Variants in BSN observed in about 807,000 individuals in gnomAD.
The protein encoded by BSN is bassoon presynaptic cytomatrix protein.
A neutral mutation model predicts 264.8 loss-of-function variants in BSN; 57 were observed. The ratio of observed to expected loss-of-function variants is 0.22; its 90% CI spans 0.17 to 0.27. The LOEUF is 0.27. Ranked by LOEUF, BSN falls within the 10% of genes least tolerant of loss-of-function variation. The probability of loss-of-function intolerance (pLI) is 1.00; values close to 1 mark genes in which losing one functional copy is unlikely to be tolerated. For missense variants in BSN, 4,615 were observed against 5,232.5 expected (o/e 0.88, Z 3.64); for synonymous variants, 2,059 against 2,137.3 (o/e 0.96, Z 1.01).
intron 1 of BSN, among the ~76,000 whole-genome samples, chr3:49,606,280 A>AATATACATT (rs2052147744): frequency 1.2e-4 from 1 of 8,260 alleles, no homozygotes; most frequent in African/African-American, 3.2e-4. Flanking sequence ...ATATATTAAA[A>AATATACATT]ATATATATTA....
intron 1 of BSN, among the ~76,000 whole-genome samples, chr3:49,564,912 C>G (rs2051740802): frequency 6.6e-6 from 1 of 151,660 alleles, no homozygotes; most frequent in African/African-American, 2.4e-5. Context: ...GTGCATTGGC[C>G]TTTGGCTCTG....
chr3:49,578,438 C>A (rs576627703), intron 1 of BSN, among the ~76,000 whole-genome samples: 14 of 151,188 alleles, frequency 9.3e-5, no homozygotes, highest in African/African-American at 3.4e-4. Flanking sequence ...GACGGAGTCT[C>A]GCTCTGTCGC....
Position 49,656,025 on chromosome 3 carries a change from G to C in BSN, c.6469G>C (p.Gly2157Arg), listed in dbSNP as rs765694657. Residue 2157 changes from glycine (G) to arginine (R), a missense_variant, in exon 5 of 12, where the codon GGC becomes CGC. This residue lies in a region of BSN where 3,415 missense variants were observed against 3,866.4 expected (regional missense o/e 0.88). Coordinates refer to ENST00000296452, the MANE Select transcript of BSN (RefSeq NM_003458.4). ...GLLGNPTFPEGHPSPGNLAQY... is the reference protein window; with the variant it reads ...GLLGNPTFPERHPSPGNLAQY... The stretch of plus-strand genomic sequence containing the variant: ...CCTTGGTAACCCCACCTTTCCAGAG[G>C]GCCACCCAAGTCCTGGGAACTTGGC... 1 of 1,602,206 alleles carries C rather than the reference G, an allele frequency of 6.2e-7. No individual in the cohort carries two copies. The highest frequency in any genetic ancestry group is 1.1e-5 in the South Asian group (1 of 90,420).
intron 1 of BSN, among the ~76,000 whole-genome samples, chr3:49,624,486 A>G (rs1214447432): frequency 6.6e-6 from 1 of 151,396 alleles, no homozygotes; most frequent in Non-Finnish European, 1.5e-5. Flanking sequence ...TTTAGTAGAG[A>G]TGGGGTTTCA....
intron 3 of BSN, among the ~76,000 whole-genome samples, chr3:49,648,717 A>G (rs2052517787): frequency 6.6e-6 from 1 of 152,230 alleles, no homozygotes; most frequent in Non-Finnish European, 1.5e-5. Flanking sequence ...GCCAGTGGCC[A>G]GCACTTACTG....
intron 1 of BSN, among the ~76,000 whole-genome samples, chr3:49,596,066 C>T (rs985569418): frequency 4.6e-5 from 7 of 152,154 alleles, no homozygotes; most frequent in South Asian, 2.1e-4. Flanking sequence ...ATCTTTGCAT[C>T]GTACACAGTT....
chr3:49,589,098 T>C (rs12492750), intron 1 of BSN, among the ~76,000 whole-genome samples: 2 of 145,422 alleles, frequency 1.4e-5, no homozygotes, highest in African/African-American at 5.0e-5. Flanking sequence ...TTTTTTTTTG[T>C]ATTTTTTAGT....
At chr3:49,563,195 C>G (rs1203917188) in intron 1 of BSN, among the ~76,000 whole-genome samples, 1 of 152,160 alleles carries the variant, frequency 6.6e-6, no homozygotes, top group Non-Finnish European at 1.5e-5. Context: ...CACATTCAAG[C>G]CTGGAGCCAG....
chr3:49,573,482 GTCCCCTCTAACTCCTCCCCAGCTTTTTCC>G lies in BSN; in HGVS notation c.224+18659_224+18687del, dbSNP rs575714487. Among the ~76,000 whole-genome samples, 7 of 152,182 alleles carry G rather than the reference GTCCCCTCTAACTCCTCCCCAGCTTTTTCC, an allele frequency of 4.6e-5. No homozygotes were observed. In the East Asian group the frequency reaches 1.4e-3, roughly 29 times the overall value. On this transcript the variant is annotated intron_variant, in intron 1 of 11. Coordinates refer to ENST00000296452, the MANE Select transcript of BSN (RefSeq NM_003458.4). ...TGGGACTGGTTGTTCTGTCTTTCCTGTCCCCTCTAACTCCTCCCCAGCTTTTTCCTCTGGGCTCCAACAGGAGCTCACTG... is the reference window on the plus strand; with the variant it reads ...TGGGACTGGTTGTTCTGTCTTTCCTGTCTGGGCTCCAACAGGAGCTCACTG...
In BSN at chr3:49,625,455, T is replaced by A; in HGVS notation, c.633+72T>A. 7.5e-7 allele frequency: 1 copy of A among 1,336,072 alleles called. No individual in the cohort carries two copies. Among genetic ancestry groups the A allele is most frequent in the East Asian group, 2.8e-5 (1 of 35,712 alleles). The allele number at this position is 1,336,072 out of a possible 1,614,324, so 82.8% of individuals were successfully genotyped here. On this transcript the variant is annotated intron_variant, in intron 2 of 11. Transcript: ENST00000296452. This position sits in a 1 kb window ranked among gnomAD's most constrained non-coding sequence, Gnocchi z 4.4. Reference sequence around the variant, plus strand: ...CATACCTCCCCTGGTTCCCTTCCCCTCTTTCACCAACTCTCTTTTCCTGGT... The same window carrying A: ...CATACCTCCCCTGGTTCCCTTCCCCACTTTCACCAACTCTCTTTTCCTGGT...
intron 1 of BSN, 31 bp from the exon 2 acceptor site, chr3:49,624,944 T>A (rs1337821382): frequency 2.0e-6 from 3 of 1,485,444 alleles, no homozygotes; most frequent in Non-Finnish European, 1.8e-6. Flanking sequence ...CTAAGCTGTA[T>A]CTCTAACAGT....
chr3:49,623,145 C>G (rs923172048), intron 1 of BSN, among the ~76,000 whole-genome samples: 8 of 152,108 alleles, frequency 5.3e-5, no homozygotes, highest in Non-Finnish European at 1.0e-4. Flanking sequence ...CTAAGCTGCC[C>G]TATCAGTTGG....
intron 1 of BSN, among the ~76,000 whole-genome samples, chr3:49,596,466 A>G (rs1018580860): frequency 2.0e-5 from 3 of 152,228 alleles, no homozygotes; most frequent in South Asian, 2.1e-4. Flanking sequence ...TGAAGTTGCA[A>G]TAATTCCCTG....
At chr3:49,599,771 T>C (rs567752071) in intron 1 of BSN, among the ~76,000 whole-genome samples, 2 of 152,330 alleles carry the variant, frequency 1.3e-5, no homozygotes, top group South Asian at 4.1e-4. Flanking sequence ...TTTCCTAAGT[T>C]ATTTTAAAAT....
At chr3:49,614,224 T>C (rs1012857952) in intron 1 of BSN, among the ~76,000 whole-genome samples, 4 of 152,040 alleles carry the variant, frequency 2.6e-5, no homozygotes, top group Non-Finnish European at 4.4e-5. Context: ...CACGCCCAGC[T>C]AATTTTTTGT....
In BSN at chr3:49,655,270, A is replaced by G. The variant is rs1559616353; in HGVS notation, c.5714A>G (p.Tyr1905Cys). The change falls in exon 5 of 12, where the codon TAC (tyrosine) becomes TGC (cysteine). Residue 1905 changes from tyrosine to cysteine, a missense_variant. By Grantham distance (194) the Tyr-to-Cys change is radical. This residue lies in a region of BSN where 3,415 missense variants were observed against 3,866.4 expected (regional missense o/e 0.88). Transcript: ENST00000296452. ...CAGCTGGCATGCTGTGACATGGTCT[A>G]CAAGCTCCCCTTTGGCAGCAGCTGC... ...ESQLACCDMVYKLPFGSSCTG... is the reference protein window; with the variant it reads ...ESQLACCDMVCKLPFGSSCTG... 3 of 1,613,000 alleles carry G rather than the reference A, an allele frequency of 1.9e-6. No homozygotes were observed. The highest frequency in any genetic ancestry group is 1.3e-5 in the African/African-American group (1 of 74,934).
chr3:49,634,900 C>T (rs1038360399), intron 2 of BSN, among the ~76,000 whole-genome samples: 2 of 152,052 alleles, frequency 1.3e-5, no homozygotes, highest in Non-Finnish European at 2.9e-5. Context: ...TATATACACC[C>T]CTCCCCCGCC....
rs772297071 is a variant in BSN at position 49,654,556 on chromosome 3, A to G, written c.5000A>G (p.Asp1667Gly). Residue 1667 changes from aspartate to glycine, a missense_variant, in exon 5 of 12, where the codon GAC becomes GGC. Around this residue, in one of 3 missense-constraint regions of BSN, gnomAD observed 3,415 missense variants for 3,866.4 expected, o/e 0.88. Transcript: ENST00000296452. The surrounding 1 kb of genome is among the most constrained non-coding windows in gnomAD (Gnocchi z 4.1). ...AGGACCCCTGGCACTGCAGTGGTAG[A>G]CCTCCGTACAGCTGTCAAGCCCACT... ...GPRTPGTAVV[D>G]LRTAVKPTPI... 1 of 1,609,550 alleles carries G rather than the reference A, an allele frequency of 6.2e-7. No homozygotes were observed. The highest frequency in any genetic ancestry group is 2.2e-5 in the East Asian group (1 of 44,818).
At chr3:49,562,691 G>T (rs1384616236) in intron 1 of BSN, among the ~76,000 whole-genome samples, 1 of 152,214 alleles carries the variant, frequency 6.6e-6, no homozygotes, top group Non-Finnish European at 1.5e-5. Context: ...ATGCTGTGGA[G>T]AACTGTGTCA....
Sources: gnomAD v4.1 joint callset for allele counts (sites outside exome capture counted in the v4.1 genomes callset) on GRCh38, gnomAD v4.1.1 for gene constraint, gnomAD v4.1.1 regional missense constraint, Gnocchi (gnomAD v3.1) non-coding constraint, MANE v1.5 for transcripts, NCBI Gene and HGNC (gene_info 2026-07-23, HGNC 2026-07-21) for gene names.